Variants in EMSY observed in about 807,000 individuals in gnomAD.
EMSY encodes BRCA2-interacting transcriptional repressor EMSY.
A neutral mutation model predicts 134.6 loss-of-function variants in EMSY; 26 were observed. The ratio of observed to expected loss-of-function variants is 0.19; its 90% CI spans 0.14 to 0.27. EMSY has a LOEUF of 0.27. EMSY is among the 10% of genes least tolerant of loss of function. EMSY has a pLI of 1.00. For missense variants in EMSY, 1,305 were observed against 1,611.4 expected (o/e 0.81, Z 3.26); for synonymous variants, 579 against 577.8 (o/e 1.00, Z -0.03).
chr11:76,513,445 G>C (rs1308739871), exon 10 of EMSY: 1 of 1,613,698 alleles, frequency 6.2e-7, no homozygotes, highest in Non-Finnish European at 8.5e-7. Flanking sequence ...ACCAGTGACA[G>C]CAACTCTACC....
intron 18 of EMSY, 128 bp downstream of exon 19, chr11:76,542,495 A>G (rs1951476728): frequency 2.5e-6 from 3 of 1,206,996 alleles, no homozygotes; most frequent in African/African-American, 1.5e-5. Flanking sequence ...CTTTTCTAAG[A>G]AATGAGTAGA....
rs73493471 is a variant in EMSY, at chr11:76,458,053, A to G, written c.246-130A>G. ...TTCATAATTTTGATCTTGCTTGCTT[A>G]AAATAAAGCCTCTCCTATTCACTCA... On this transcript the variant is annotated intron_variant, in intron 4 of 20. Transcript: ENST00000334736. The G allele has an allele frequency of 1.4e-3, 1,004 of 694,008 alleles. 6 individuals are homozygous for G. The African/African-American group carries it at 0.017, about 12-fold the overall frequency. 43.0% of individuals were successfully genotyped at this position (694,008 alleles called of 1,614,324 possible).
intron 20 of EMSY, among the ~76,000 whole-genome samples, chr11:76,548,383 G>A (rs1401626008): frequency 8.5e-5 from 13 of 152,280 alleles, no homozygotes; most frequent in Middle Eastern, 3.4e-3. Context: ...TGGTTGATTC[G>A]TTCATTCATT....
At chr11:76,461,887 G>A (rs1192373167) in intron 6 of EMSY, among the ~76,000 whole-genome samples, 7 of 151,816 alleles carry the variant, frequency 4.6e-5, no homozygotes, top group African/African-American at 1.7e-4. Context: ...AGCTGAGATC[G>A]TGCCATGCAC....
rs532760597 is a variant in EMSY, at chr11:76,516,353, C to T, written c.1684+41C>T. 17 of 1,378,330 alleles carry T rather than the reference C, an allele frequency of 1.2e-5. No individual in the cohort carries two copies. The East Asian group carries it at 3.7e-4, about 30-fold the overall frequency. The allele number at this position is 1,378,330 out of a possible 1,614,324, so 85.4% of individuals were successfully genotyped here. Reference sequence around the variant, plus strand: ...ATATGTTAAAGGTATAGGTGGCCTTCATTGAGAGGAAAAAAAAAACTTACT... The same window carrying T: ...ATATGTTAAAGGTATAGGTGGCCTTTATTGAGAGGAAAAAAAAAACTTACT... On this transcript the variant is annotated intron_variant, in intron 11 of 20. Transcript: ENST00000334736.
At chr11:76,547,331 A>T (rs980763370) in intron 20 of EMSY, among the ~76,000 whole-genome samples, 1 of 152,236 alleles carries the variant, frequency 6.6e-6, no homozygotes, top group Admixed American at 6.5e-5. Flanking sequence ...TTAAATATAG[A>T]GGAAGTGCTT....
chr11:76,537,790 T>C lies in EMSY; in HGVS notation c.2360-5T>C. Reference sequence around the variant, plus strand: ...GTTAACTTTTCCCCTGACTTTTTTATGCAGTAAAGGAAAAATTGGAATCTA... The same window carrying C: ...GTTAACTTTTCCCCTGACTTTTTTACGCAGTAAAGGAAAAATTGGAATCTA... On this transcript the variant is annotated splice_polypyrimidine_tract_variant and splice_region_variant and intron_variant, in intron 15 of 20. Coordinates refer to ENST00000334736, the Ensembl canonical transcript of EMSY. 6.3e-7 allele frequency: 1 copy of C among 1,590,926 alleles called. No individual in the cohort carries two copies. Among genetic ancestry groups the C allele is most frequent in the Non-Finnish European group, 8.5e-7 (1 of 1,170,418 alleles).
intron 3 of EMSY, among the ~76,000 whole-genome samples, chr11:76,452,779 A>G (rs575957669): frequency 2.6e-3 from 392 of 152,344 alleles, no homozygotes; most frequent in African/African-American, 9.1e-3. Context: ...GTATTGAATA[A>G]TAAAGGAATA....
intron 9 of EMSY, among the ~76,000 whole-genome samples, chr11:76,512,722 TAAA>T (rs1320238838): frequency 7.3e-6 from 1 of 137,022 alleles, no homozygotes; most frequent in Non-Finnish European, 1.6e-5. Flanking sequence ...TTAGAAAATG[TAAA>T]AAAAAAAAAA....
intron 8 of EMSY, among the ~76,000 whole-genome samples, chr11:76,489,857 G>A (rs1015071340): frequency 2.0e-5 from 3 of 151,982 alleles, no homozygotes; most frequent in South Asian, 2.1e-4. Flanking sequence ...CATCCACCTC[G>A]GCCTCCCAAA....
At chr11:76,523,698 T>C (rs1488440257) in intron 12 of EMSY, among the ~76,000 whole-genome samples, 2 of 143,752 alleles carry the variant, frequency 1.4e-5, no homozygotes, top group Non-Finnish European at 3.0e-5. Context: ...GGGGATTTGT[T>C]ACTTTCTTTT....
At chr11:76,473,472 A>AT (rs1269428384) in intron 8 of EMSY, among the ~76,000 whole-genome samples, 13 of 150,746 alleles carry the variant, frequency 8.6e-5, no homozygotes, top group Non-Finnish European at 1.0e-4. Flanking sequence ...ATACCCGGCT[A>AT]TTTTTTTTGT....
At chr11:76,497,190 T>A (rs1401210184) in intron 9 of EMSY, 3 of 152,204 alleles carry the variant, frequency 2.0e-5, no homozygotes, top group Non-Finnish European at 4.4e-5. Context: ...ATTGATTGAT[T>A]TTCTGTTAAA....
intron 11 of EMSY, among the ~76,000 whole-genome samples, chr11:76,517,005 T>C (rs1950472246): frequency 6.6e-6 from 1 of 152,188 alleles, no homozygotes; most frequent in African/African-American, 2.4e-5. Context: ...ATGTGGAATG[T>C]TAAAATGGCA....
At chr11:76,550,163 T>C (rs1461165503) in exon 21 of EMSY, 17 of 1,570,218 alleles carry the variant, frequency 1.1e-5, no homozygotes, top group Non-Finnish European at 1.5e-5. Context: ...GACACAATAG[T>C]GCACTTTAAA....
chr11:76,457,262 A>G lies in EMSY; in HGVS notation c.246-921A>G, dbSNP rs188271135. 9.2e-5 allele frequency among the ~76,000 whole-genome samples: 14 copies of G among 152,312 alleles called. No individual in the cohort carries two copies. The East Asian group carries it at 2.3e-3, about 25-fold the overall frequency. On this transcript the variant is annotated intron_variant, in intron 4 of 20. Transcript: ENST00000334736. ...AACTCTAAGTTAGTTTGAAGAACCT[A>G]TGGTTTCAAATGCAGAAATATTTCA... is the stretch of plus-strand genomic sequence containing the variant.
intron 10 of EMSY, among the ~76,000 whole-genome samples, chr11:76,514,019 T>A (rs1950365875): frequency 6.6e-6 from 1 of 152,112 alleles, no homozygotes; most frequent in Non-Finnish European, 1.5e-5. Flanking sequence ...AAGCACAGAA[T>A]GGTATTGTGC....
chr11:76,477,784 C>G (rs1948824543), intron 8 of EMSY, among the ~76,000 whole-genome samples: 1 of 152,204 alleles, frequency 6.6e-6, no homozygotes, highest in Admixed American at 6.5e-5. Context: ...TGTTATCTCT[C>G]AAATCCATTC....
chr11:76,495,471 G>A (rs1711797001), intron 8 of EMSY, among the ~76,000 whole-genome samples: 2 of 152,124 alleles, frequency 1.3e-5, no homozygotes, highest in African/African-American at 2.4e-5. Flanking sequence ...AAAAACCTGC[G>A]AGAGGGAAGA....
Sources: allele counts gnomAD v4.1 joint callset (sites outside exome capture counted in the v4.1 genomes callset), GRCh38; gene constraint gnomAD v4.1.1; transcripts MANE v1.5; gene names NCBI Gene and HGNC (gene_info 2026-07-23, HGNC 2026-07-21).